Variants in CNST observed in about 807,000 individuals in gnomAD.
CNST encodes the protein consortin.
In CNST, 39 loss-of-function variants were observed where a neutral mutation model predicts 72.4. That is an observed-to-expected ratio of 0.54 (90% confidence interval 0.42 to 0.70). The LOEUF is 0.70. Among genes scored for constraint, CNST ranks in the 30% least tolerant of loss-of-function variants. The pLI is 0.00. For missense variants in CNST, 871 were observed against 868.5 expected (o/e 1.00, Z -0.04); for synonymous variants, 332 against 320.1 (o/e 1.04, Z -0.40).
At position 246,634,656 on chromosome 1, in the gene CNST, A is replaced by T. The variant is rs570149431; in HGVS notation, c.818+69A>T. On this transcript the variant is annotated intron_variant, in intron 6 of 10. Coordinates refer to ENST00000366513, the MANE Select transcript of CNST (RefSeq NM_152609.3). The stretch of plus-strand genomic sequence containing the variant: ...TTGAAGAAGCATTATAGCATTGAGT[A>T]TCCATTTCTTTGTTTTATGTTTTCA... The T allele has an allele frequency of 1.4e-3, 1,077 of 796,760 alleles. 1 individual carries two copies. The highest frequency in any genetic ancestry group is 1.7e-3 in the Non-Finnish European group (817 of 480,262). The allele number at this position is 796,760 out of a possible 1,614,324, so 49.4% of individuals were successfully genotyped here.
chr1:246,618,505 T>G (rs1663842505), intron 2 of CNST, among the ~76,000 whole-genome samples: 1 of 152,208 alleles, frequency 6.6e-6, no homozygotes, highest in Non-Finnish European at 1.5e-5. Flanking sequence ...TGCTAACGTC[T>G]TCAGTGATTT....
At position 246,668,424 on chromosome 1, in the gene CNST, T is replaced by G. The variant is rs1667468915; in HGVS notation, c.*2519T>G. The G allele has an allele frequency of 6.6e-6, 1 of 152,240 alleles. No homozygotes were observed. The highest frequency in any genetic ancestry group is 1.5e-5 in the Non-Finnish European group (1 of 68,038). The allele number at this position is 152,240 out of a possible 1,614,324, so 9.4% of individuals were successfully genotyped here. A position where few individuals can be genotyped will look rare whatever the true frequency, so the allele number is the denominator to read the frequency against. On this transcript the variant is annotated 3_prime_UTR_variant, in exon 11 of 11. Transcript: ENST00000366513. ...GAAACTTTGATTTCAGAAGTTGATC[T>G]GGCCCTACAAGTAGACAGTCATCTA... is the stretch of plus-strand genomic sequence containing the variant.
rs556468118 is a variant in CNST at position 246,598,477 on chromosome 1, A to G, written c.379+6536A>G. The stretch of plus-strand genomic sequence containing the variant: ...TCCCCTAATGTACATTCCTAAAAAT[A>G]TATTTCCAGTTCCATACTAGTTTAA... On this transcript the variant is annotated intron_variant, in intron 2 of 10. Coordinates refer to ENST00000366513, the MANE Select transcript of CNST (RefSeq NM_152609.3). 8.5e-5 allele frequency among the ~76,000 whole-genome samples: 13 copies of G among 152,276 alleles called. No homozygotes were observed. In the South Asian group the frequency reaches 1.0e-3, roughly 12 times the overall value.
intron 1 of CNST, among the ~76,000 whole-genome samples, chr1:246,570,764 A>G (rs1160661464): frequency 6.6e-6 from 1 of 152,258 alleles, no homozygotes; most frequent in African/African-American, 2.4e-5. Flanking sequence ...GAGAAAATAC[A>G]TTGCTTGGTT....
chr1:246,643,012 T>C (rs1665822390), intron 8 of CNST, among the ~76,000 whole-genome samples: 1 of 149,718 alleles, frequency 6.7e-6, no homozygotes, highest in Admixed American at 6.7e-5. Flanking sequence ...CCTCAGTCTC[T>C]CCAGTAGCTG....
chr1:246,631,294 A>C (rs922026907), intron 3 of CNST, among the ~76,000 whole-genome samples: 1 of 152,150 alleles, frequency 6.6e-6, no homozygotes, highest in Non-Finnish European at 1.5e-5. Flanking sequence ...CACTTTGTAC[A>C]TATTCTAAAC....
chr1:246,580,774 TCTGTTGCCCAGGC>T (rs1031281499), intron 1 of CNST, among the ~76,000 whole-genome samples: 2 of 152,114 alleles, frequency 1.3e-5, no homozygotes, highest in Non-Finnish European at 2.9e-5. Context: ...ACAGTCTCAC[TCTGTTGCCCAGGC>T]TAGAGTGCAG....
At position 246,665,857 on chromosome 1, in the gene CNST, G is replaced by A; in HGVS notation, c.2130G>A (p.Lys710=). 1 of 1,614,044 alleles carries A rather than the reference G, an allele frequency of 6.2e-7. No homozygotes were observed. The highest frequency in any genetic ancestry group is 8.5e-7 in the Non-Finnish European group (1 of 1,179,958). The part of the protein sequence containing the change: ...FADNMDFYYT[K]LLQGVAELKH... ...ACAACATGGACTTCTATTACACTAA[G>A]TTACTTCAGGGAGTGGCAGAACTGA... Residue 710 remains lysine (K), a synonymous_variant, in exon 11 of 11, where the codon AAG becomes AAA. Coordinates refer to ENST00000366513, the MANE Select transcript of CNST (RefSeq NM_152609.3).
intron 3 of CNST, among the ~76,000 whole-genome samples, chr1:246,631,662 G>T (rs1415781655): frequency 8.5e-5 from 13 of 152,202 alleles, no homozygotes. Flanking sequence ...TAGGAAGAAT[G>T]ATGTGTAAAC....
chr1:246,660,383 T>C (rs577583330), intron 10 of CNST, 49 bp downstream of exon 10: 1 of 1,579,326 alleles, frequency 6.3e-7, no homozygotes, highest in South Asian at 1.2e-5. Context: ...CAGTGTTTGC[T>C]GAAAGGATGA....
chr1:246,610,203 C>T (rs542320163), intron 2 of CNST, among the ~76,000 whole-genome samples: 1 of 152,180 alleles, frequency 6.6e-6, no homozygotes, highest in Non-Finnish European at 1.5e-5. Flanking sequence ...ATTGCTTGAA[C>T]CCAGAAGGCA....
chr1:246,585,815 T>C (rs1363967135), intron 1 of CNST, among the ~76,000 whole-genome samples: 1 of 150,824 alleles, frequency 6.6e-6, no homozygotes, highest in Non-Finnish European at 1.5e-5. Flanking sequence ...CGTGGTGGCA[T>C]ACATCTGTAA....
chr1:246,632,156 T>G, intron 4 of CNST: 5 of 414,202 alleles, frequency 1.2e-5, no homozygotes, highest in East Asian at 7.9e-5. Flanking sequence ...AAATAGGCCT[T>G]AATTTTACTA....
chr1:246,590,648 G>GTT (rs11387489), intron 1 of CNST, among the ~76,000 whole-genome samples: 12 of 152,072 alleles, frequency 7.9e-5, no homozygotes, highest in Admixed American at 2.0e-4. Flanking sequence ...TCTCACTGAG[G>GTT]TTTTTTTCCA....
chr1:246,590,831 C>G (rs376721376), intron 1 of CNST, among the ~76,000 whole-genome samples: 1 of 147,236 alleles, frequency 6.8e-6, no homozygotes, highest in South Asian at 2.1e-4. Context: ...CAATTCTACA[C>G]TAAGAGTAGC....
At chr1:246,662,129 G>A (rs931736955) in intron 10 of CNST, among the ~76,000 whole-genome samples, 1 of 152,158 alleles carries the variant, frequency 6.6e-6, no homozygotes, top group Non-Finnish European at 1.5e-5. Context: ...AAGCGTGTCA[G>A]ATAATATGTA....
chr1:246,598,015 C>T (rs1232215633), intron 2 of CNST, among the ~76,000 whole-genome samples: 1 of 152,106 alleles, frequency 6.6e-6, no homozygotes, highest in Non-Finnish European at 1.5e-5. Context: ...GGATTTTGTT[C>T]TGTCACCTAG....
rs951136965 is a variant in CNST at position 246,616,323 on chromosome 1, A to G, written c.380-5106A>G. ...CAGCATTTTGGGAGGCCAAGATGGGAGGACCAGTTGAGGCCAGAAGTTGAA... is the reference window on the plus strand; with the variant it reads ...CAGCATTTTGGGAGGCCAAGATGGGGGGACCAGTTGAGGCCAGAAGTTGAA... On this transcript the variant is annotated intron_variant, in intron 2 of 10. Transcript: ENST00000366513. Among the ~76,000 whole-genome samples the G allele has an allele frequency of 6.6e-5, 10 of 152,216 alleles. No homozygotes were observed. The East Asian group carries it at 1.8e-3, about 27-fold the overall frequency.
chr1:246,622,930 TCTC>T (rs943446020), intron 3 of CNST, among the ~76,000 whole-genome samples: 1 of 152,068 alleles, frequency 6.6e-6, no homozygotes, highest in Non-Finnish European at 1.5e-5. Context: ...TTCAAGCCAT[TCTC>T]CTGCCTTAGC....
Sources: gnomAD v4.1 joint callset for allele counts (sites outside exome capture counted in the v4.1 genomes callset) on GRCh38, gnomAD v4.1.1 for gene constraint, MANE v1.5 for transcripts, NCBI Gene and HGNC (gene_info 2026-07-23, HGNC 2026-07-21) for gene names.